The following POM121C variants were observed in gnomAD, a reference collection of about 807,000 sequenced individuals.
The protein encoded by POM121C is nuclear envelope pore membrane protein POM 121C.
POM121C carries 20 observed loss-of-function variants against 66.4 expected under a neutral mutation model. The ratio of observed to expected loss-of-function variants is 0.30; its 90% CI spans 0.21 to 0.44. The LOEUF is 0.44. Among genes scored for constraint, POM121C ranks in the 20% least tolerant of loss-of-function variants. POM121C has a pLI of 1.00. For missense variants in POM121C, 580 were observed against 1,225.7 expected (o/e 0.47, Z 7.87); for synonymous variants, 286 against 528.0 (o/e 0.54, Z 6.28).
rs1223862262 is a variant in POM121C, at chr7:75,441,708, C to T, written c.-151-61G>A. On this transcript the variant is annotated intron_variant, in intron 3 of 14. Transcript: ENST00000615331. ...TATAAAAGAATGTCAAAATTTTAGA[C>T]GGTTAAAAACCCACCAGTTAAGACA... The T allele has an allele frequency of 7.4e-6, 10 of 1,360,178 alleles. No homozygotes were observed. In the Admixed American group the frequency reaches 8.3e-5, roughly 11 times the overall value. The allele number at this position is 1,360,178 out of a possible 1,614,324, so 84.3% of individuals were successfully genotyped here. A position where few individuals can be genotyped will look rare whatever the true frequency, so the allele number is the denominator to read the frequency against.
chr7:75,427,652 C>G (rs1240815431), intron 7 of POM121C, among the ~76,000 whole-genome samples: 1 of 152,028 alleles, frequency 6.6e-6, no homozygotes. Flanking sequence ...TGCAAATAGT[C>G]TCGTAAGTGC....
chr7:75,466,613 A>G (rs1401924496), intron 3 of POM121C, among the ~76,000 whole-genome samples: 1 of 151,880 alleles, frequency 6.6e-6, no homozygotes, highest in African/African-American at 2.4e-5. Flanking sequence ...TCAAAAAATA[A>G]AAATTAAAAA....
chr7:75,467,743 C>T (rs1791713823), intron 3 of POM121C, among the ~76,000 whole-genome samples: 1 of 152,014 alleles, frequency 6.6e-6, no homozygotes, highest in Non-Finnish European at 1.5e-5. Context: ...ATTGGGGATA[C>T]AGTCATTTGC....
chr7:75,417,595 A>G lies in POM121C; in HGVS notation c.*1201T>C, dbSNP rs1288488312. 2 of 981,262 alleles carry G rather than the reference A, an allele frequency of 2.0e-6. No homozygotes were observed. Among genetic ancestry groups the G allele is most frequent in the East Asian group, 1.1e-4 (1 of 8,798 alleles). The allele number at this position is 981,262 out of a possible 1,614,324, so 60.8% of individuals were successfully genotyped here. ...CTGCAGAGGGCCCTGTTTGGGAAAA[A>G]TAGGATTTTAAAAATATGGTTCATT... On this transcript the variant is annotated 3_prime_UTR_variant, in exon 15 of 15. Transcript: ENST00000615331.
intron 4 of POM121C, 107 bp downstream of exon 4, chr7:75,441,325 G>C: frequency 7.1e-7 from 1 of 1,412,084 alleles, no homozygotes; most frequent in Non-Finnish European, 9.7e-7. Context: ...CAAACAAGCA[G>C]ATTCGTCCTT....
chr7:75,474,070 AT>A (rs1160432596), intron 3 of POM121C, among the ~76,000 whole-genome samples: 2 of 152,192 alleles, frequency 1.3e-5, no homozygotes, highest in Non-Finnish European at 2.9e-5. Flanking sequence ...GTTAATTTTT[AT>A]GTCAGACTTC....
rs1235131135 is a variant in POM121C at position 75,457,832 on chromosome 7, G to A, written c.-151-16185C>T. On this transcript the variant is annotated intron_variant, in intron 3 of 14. Coordinates refer to ENST00000615331, the MANE Select transcript of POM121C (RefSeq NM_001099415.3). ...CGTCGTGTACATTTCTGTTACATTCGGATTAAAGACAAGTTCTGTTTAATA... is the reference window on the plus strand; with the variant it reads ...CGTCGTGTACATTTCTGTTACATTCAGATTAAAGACAAGTTCTGTTTAATA... 3.9e-5 allele frequency among the ~76,000 whole-genome samples: 6 copies of A among 152,176 alleles called. No homozygotes were observed. The South Asian group carries it at 6.2e-4, about 16-fold the overall frequency.
chr7:75,430,062 A>C (rs1413846656), intron 7 of POM121C, among the ~76,000 whole-genome samples: 22 of 152,238 alleles, frequency 1.4e-4, no homozygotes, highest in Admixed American at 1.4e-3. Context: ...GAAGTAAACA[A>C]GGTCAATATT....
chr7:75,447,820 G>C (rs1469739860), intron 3 of POM121C, among the ~76,000 whole-genome samples: 1 of 151,826 alleles, frequency 6.6e-6, no homozygotes, highest in Non-Finnish European at 1.5e-5. Context: ...TCAGGAGATC[G>C]AGACCATCCT....
chr7:75,439,476 C>T (rs1239403176), intron 5 of POM121C, among the ~76,000 whole-genome samples: 1 of 152,170 alleles, frequency 6.6e-6, no homozygotes, highest in Admixed American at 6.5e-5. Flanking sequence ...ACCTCTGCCT[C>T]CCGGGTTCAA....
At chr7:75,478,821 T>A in intron 1 of POM121C, among the ~76,000 whole-genome samples, 1 of 130,164 alleles carries the variant, frequency 7.7e-6, no homozygotes. Context: ...GGAGGGGAGG[T>A]GGCGGGTACT....
At chr7:75,439,487 C>T (rs117750989) in intron 5 of POM121C, among the ~76,000 whole-genome samples, 11,084 of 152,152 alleles carry the variant, frequency 0.073, 504 homozygotes, top group Non-Finnish European at 0.1. Context: ...CCGGGTTCAA[C>T]CAATTCTCCT....
chr7:75,419,177 G>C, intron 14 of POM121C, 143 bp downstream of exon 14: 4 of 1,349,110 alleles, frequency 3.0e-6, no homozygotes, highest in Non-Finnish European at 4.0e-6. Context: ...TCCCATCCCT[G>C]GGCTGTGCTG....
Position 75,419,405 on chromosome 7 carries a change from C to T in POM121C, c.2781G>A (p.Ala927=), listed in dbSNP as rs587666459. Residue 927 remains alanine, a synonymous_variant, in exon 14 of 15, where the codon GCG becomes GCA. Coordinates refer to ENST00000615331, the MANE Select transcript of POM121C (RefSeq NM_001099415.3). ...ATPTFGQNTP[A]PGVGTSGSSL... ...TGCTGCCCGATGTGCCCACTCCAGG[C>T]GCAGGGGTGTTCTGACCAAAGGTGG... 15 of 1,613,836 alleles carry T rather than the reference C, an allele frequency of 9.3e-6. No homozygotes were observed. Among genetic ancestry groups the T allele is most frequent in the South Asian group, 5.5e-5 (5 of 91,060 alleles).
chr7:75,458,591 G>A (rs879992762), intron 3 of POM121C, among the ~76,000 whole-genome samples: 2 of 152,258 alleles, frequency 1.3e-5, no homozygotes, highest in South Asian at 2.1e-4. Flanking sequence ...GGAGGCCAGA[G>A]GAGCTCTGCA....
chr7:75,481,782 T>C (rs1192535057), intron 1 of POM121C, among the ~76,000 whole-genome samples: 2 of 152,090 alleles, frequency 1.3e-5, no homozygotes, highest in African/African-American at 2.4e-5. Flanking sequence ...GCCATAAACG[T>C]GCCAGCCTAG....
At chr7:75,481,664 A>C (rs782393051) in intron 1 of POM121C, among the ~76,000 whole-genome samples, 2 of 152,138 alleles carry the variant, frequency 1.3e-5, no homozygotes, top group Non-Finnish European at 2.9e-5. Flanking sequence ...TGTCTCTACT[A>C]AAAATTAAAA....
intron 3 of POM121C, among the ~76,000 whole-genome samples, chr7:75,468,125 C>T (rs13243771): frequency 3.3e-5 from 1 of 30,048 alleles, no homozygotes; most frequent in Admixed American, 6.6e-4. Context: ...GAGACTCTGT[C>T]TAAAAAAAAA....
intron 3 of POM121C, among the ~76,000 whole-genome samples, chr7:75,467,872 G>A (rs2116503545): frequency 6.6e-6 from 1 of 152,146 alleles, no homozygotes; most frequent in South Asian, 2.1e-4. Context: ...GCTCATGCCT[G>A]TAATCCCAGC....
Sources: gnomAD v4.1 joint callset for allele counts (sites outside exome capture counted in the v4.1 genomes callset) on GRCh38, gnomAD v4.1.1 for gene constraint, MANE v1.5 for transcripts, NCBI Gene and HGNC (gene_info 2026-07-23, HGNC 2026-07-21) for gene names.